Variants in PIK3C2G observed in about 807,000 individuals in gnomAD.
PIK3C2G encodes phosphatidylinositol 3-kinase C2 domain-containing subunit gamma.
PIK3C2G carries 168 observed loss-of-function variants against 181.1 expected under a neutral mutation model. The ratio of observed to expected loss-of-function variants is 0.93; its 90% confidence interval spans 0.82 to 1.05. PIK3C2G has a LOEUF of 1.05. Ranked by LOEUF, PIK3C2G falls within the 50% of genes least tolerant of loss-of-function variation. The pLI, the probability that PIK3C2G is intolerant of heterozygous loss-of-function variation, is 0.00. For missense variants in PIK3C2G, 1,869 were observed against 1,732.8 expected (o/e 1.08, Z -1.40); for synonymous variants, 573 against 592.2 (o/e 0.97, Z 0.47).
chr12:18,411,332 T>C (rs1944859400), intron 16 of PIK3C2G, among the ~76,000 whole-genome samples: 1 of 152,166 alleles, frequency 6.6e-6, no homozygotes, highest in Admixed American at 6.6e-5. Flanking sequence ...ACAAATGGTG[T>C]TGGGAAAACT....
At chr12:18,340,985 G>GC (rs763430770) in intron 9 of PIK3C2G, among the ~76,000 whole-genome samples, 3 of 152,124 alleles carry the variant, frequency 2.0e-5, no homozygotes, top group Non-Finnish European at 4.4e-5. Context: ...ATGAACCACT[G>GC]CCAGAGGAGG....
intron 26 of PIK3C2G, among the ~76,000 whole-genome samples, chr12:18,556,740 T>C (rs745657270): frequency 1.3e-5 from 2 of 152,132 alleles, no homozygotes; most frequent in Non-Finnish European, 2.9e-5. Context: ...GATGAAGAAA[T>C]AATGTTTTGT....
intron 29 of PIK3C2G, among the ~76,000 whole-genome samples, chr12:18,573,929 A>G (rs116005397): frequency 5.9e-5 from 9 of 152,212 alleles, no homozygotes; most frequent in Non-Finnish European, 1.2e-4. Flanking sequence ...AGAAAATTGA[A>G]GGGAAATGCT....
At position 18,424,039 on chromosome 12, in the gene PIK3C2G, G is replaced by A. The variant is rs1445321034; in HGVS notation, c.2504G>A (p.Trp835Ter). The change falls in exon 18 of 33, where the codon TGG becomes TAG. Residue 835 changes from tryptophan (W) to a stop codon, truncating the protein, a stop_gained and splice_region_variant. Transcript: ENST00000538779. LOFTEE classifies it high-confidence loss of function. ...ATCCAGGTTGCCCATCGTCTTTACT[G>A]GTAAGATTAACTAAATCAGGCAAGG... is the stretch of plus-strand genomic sequence containing the variant. ...QSIQVAHRLY[W>*]LLKNAENEAY... 1 of 1,596,894 alleles carries A rather than the reference G, an allele frequency of 6.3e-7. No homozygotes were observed. The highest frequency in any genetic ancestry group is 2.2e-5 in the East Asian group (1 of 44,672).
chr12:18,417,923 A>G (rs112902386), intron 16 of PIK3C2G, among the ~76,000 whole-genome samples: 2,292 of 152,246 alleles, frequency 0.015, 58 homozygotes, highest in African/African-American at 0.052. Context: ...AAGATCTGGA[A>G]TTTATATGAG....
intron 29 of PIK3C2G, among the ~76,000 whole-genome samples, chr12:18,577,112 G>C: frequency 6.6e-6 from 1 of 152,298 alleles, no homozygotes; most frequent in Middle Eastern, 3.4e-3. Flanking sequence ...ACTTTCAATA[G>C]GAAACTCCTA....
intron 30 of PIK3C2G, among the ~76,000 whole-genome samples, chr12:18,607,403 A>G (rs1327387631): frequency 6.6e-6 from 1 of 152,188 alleles, no homozygotes; most frequent in Non-Finnish European, 1.5e-5. Flanking sequence ...CCGCTTATCT[A>G]CAACTATCTG....
At chr12:18,676,258 T>A in the PIK3C2G span, among the ~76,000 whole-genome samples, 1 of 152,122 alleles carries the variant, frequency 6.6e-6, no homozygotes, top group Non-Finnish European at 1.5e-5. Context: ...TGAGACCAGA[T>A]TTACCTGTTC....
intron 18 of PIK3C2G, among the ~76,000 whole-genome samples, chr12:18,441,875 T>A (rs1255044770): frequency 6.6e-6 from 1 of 152,222 alleles, no homozygotes; most frequent in Non-Finnish European, 1.5e-5. Context: ...TGAATCATTC[T>A]ATTTAAACTT....
At chr12:18,685,952 T>C in the PIK3C2G span, among the ~76,000 whole-genome samples, 70 of 151,948 alleles carry the variant, frequency 4.6e-4, no homozygotes, top group African/African-American at 1.6e-3. Flanking sequence ...GATACCAAAT[T>C]TGATAGTGAT....
chr12:18,531,926 CTTG>C (rs1242351021), intron 24 of PIK3C2G, among the ~76,000 whole-genome samples: 1 of 151,966 alleles, frequency 6.6e-6, no homozygotes, highest in Non-Finnish European at 1.5e-5. Flanking sequence ...GTAGTTGTAT[CTTG>C]TTGTTGTTTT....
At chr12:18,584,014 A>G (rs184307866) in intron 29 of PIK3C2G, among the ~76,000 whole-genome samples, 4 of 151,288 alleles carry the variant, frequency 2.6e-5, no homozygotes, top group Admixed American at 1.3e-4. Context: ...TTTTTTAAAT[A>G]GACAGTTTTT....
At chr12:18,307,622 G>A (rs1950473688) in intron 5 of PIK3C2G, among the ~76,000 whole-genome samples, 2 of 151,884 alleles carry the variant, frequency 1.3e-5, no homozygotes. Flanking sequence ...CTTATGGTCC[G>A]TGCCTTTCAT....
intron 1 of PIK3C2G, among the ~76,000 whole-genome samples, chr12:18,266,975 A>C (rs1055134061): frequency 6.6e-6 from 1 of 151,968 alleles, no homozygotes; most frequent in Non-Finnish European, 1.5e-5. Context: ...ATGCATATTC[A>C]GGGTTTTCTT....
chr12:18,381,690 G>T (rs1740507928), intron 13 of PIK3C2G, 76 bp from the exon 14 acceptor site: 1 of 877,636 alleles, frequency 1.1e-6, no homozygotes, highest in African/African-American at 1.6e-5. Flanking sequence ...TATTCCAAAA[G>T]AAAACATTTA....
intron 16 of PIK3C2G, among the ~76,000 whole-genome samples, chr12:18,405,180 T>C (rs1179052736): frequency 1.3e-5 from 2 of 152,148 alleles, no homozygotes; most frequent in Non-Finnish European, 2.9e-5. Context: ...TAAAAACCCA[T>C]GAGACACATA....
At chr12:18,342,957 A>G (rs556746053) in intron 9 of PIK3C2G, among the ~76,000 whole-genome samples, 2 of 152,248 alleles carry the variant, frequency 1.3e-5, no homozygotes, top group African/African-American at 4.8e-5. Context: ...GGTGCTGTCC[A>G]AAGCTTGCTG....
At chr12:18,558,611 G>C (rs1032585700) in intron 26 of PIK3C2G, among the ~76,000 whole-genome samples, 1 of 152,070 alleles carries the variant, frequency 6.6e-6, no homozygotes, top group Non-Finnish European at 1.5e-5. Context: ...AAACACTCTA[G>C]TCATTCATCT....
intron 16 of PIK3C2G, among the ~76,000 whole-genome samples, chr12:18,411,488 T>TA (rs11319458): frequency 2.0e-5 from 3 of 151,942 alleles, no homozygotes; most frequent in Admixed American, 6.6e-5. Flanking sequence ...ACAATCATCT[T>TA]AAAAAAATCC....
Sources: gnomAD v4.1 joint callset for allele counts (sites outside exome capture counted in the v4.1 genomes callset) on GRCh38, gnomAD v4.1.1 for gene constraint, MANE v1.5 for transcripts, NCBI Gene and HGNC (gene_info 2026-07-23, HGNC 2026-07-21) for gene names.